The following PANK4 variants were observed in gnomAD, a reference collection of about 807,000 sequenced individuals.
PANK4 encodes pantothenate kinase 4 (inactive).
PANK4 carries 40 observed loss-of-function variants against 87.9 expected under a neutral mutation model. The observed-to-expected ratio is 0.46, with a 90% confidence interval of 0.35 to 0.59. PANK4 has a LOEUF of 0.59. PANK4 is among the 20% of genes least tolerant of loss of function. The pLI is 0.00. For synonymous variants in PANK4, 524 were observed against 467.4 expected (o/e 1.12, Z -1.56); for missense variants, 926 against 1,072.3 (o/e 0.86, Z 1.90).
chr1:2,515,950 A>C lies in PANK4; in HGVS notation c.1219-233T>G. On this transcript the variant is annotated intron_variant, in intron 9 of 18. Transcript: ENST00000378466. The surrounding 1 kb of genome is among the most constrained non-coding windows in gnomAD (Gnocchi z 5.0). Reference sequence around the variant, plus strand: ...CTGGGGTTGCGTCTGCTCCCACCACACGCCTCCTGCCCCCAGCACCTCCCC... The same window carrying C: ...CTGGGGTTGCGTCTGCTCCCACCACCCGCCTCCTGCCCCCAGCACCTCCCC... 2 of 571,698 alleles carry C rather than the reference A, an allele frequency of 3.5e-6. No individual in the cohort carries two copies. The highest frequency in any genetic ancestry group is 3.1e-6 in the Non-Finnish European group (1 of 320,114). The allele number at this position is 571,698 out of a possible 1,614,324, so 35.4% of individuals were successfully genotyped here.
In PANK4 at chr1:2,520,483, C is replaced by A; in HGVS notation, c.607-69G>T. On this transcript the variant is annotated intron_variant, in intron 4 of 18. Transcript: ENST00000378466. This position sits in a 1 kb window ranked among gnomAD's most constrained non-coding sequence, Gnocchi z 6.2. ...CCACACAGGCTCCCCCGCCCCCCGC[C>A]CCATGTGCTGCGCTGGGGTGAACCC... 1 of 1,213,030 alleles carries A rather than the reference C, an allele frequency of 8.2e-7. No homozygotes were observed. The allele number at this position is 1,213,030 out of a possible 1,614,324, so 75.1% of individuals were successfully genotyped here. A position where few individuals can be genotyped will look rare whatever the true frequency, so the allele number is the denominator to read the frequency against.
rs1053199048 is a variant in PANK4, at chr1:2,515,980, C to T, written c.1219-263G>A. 17 of 551,196 alleles carry T rather than the reference C, an allele frequency of 3.1e-5. No individual in the cohort carries two copies. The South Asian group carries it at 3.3e-4, about 11-fold the overall frequency. The allele number at this position is 551,196 out of a possible 1,614,324, so 34.1% of individuals were successfully genotyped here. On this transcript the variant is annotated intron_variant, in intron 9 of 18. Coordinates refer to ENST00000378466, the MANE Select transcript of PANK4 (RefSeq NM_018216.4). This position sits in a 1 kb window ranked among gnomAD's most constrained non-coding sequence, Gnocchi z 5.0. ...TCCTGCCCCCAGCACCTCCCCGCTG[C>T]AGCCACACCTCCCCAATCACCGCTG...
In PANK4 at chr1:2,519,741, C is replaced by T. The variant is rs531264575; in HGVS notation, c.853+60G>A. On this transcript the variant is annotated intron_variant, in intron 6 of 18. Coordinates refer to ENST00000378466, the MANE Select transcript of PANK4 (RefSeq NM_018216.4). The surrounding 1 kb of genome is among the most constrained non-coding windows in gnomAD (Gnocchi z 8.3). ...AGCAATGGTGGGGGAAGCTCCTGTCCGTGAGACCCCAAGTGTCCCCACCAT... is the reference window on the plus strand; with the variant it reads ...AGCAATGGTGGGGGAAGCTCCTGTCTGTGAGACCCCAAGTGTCCCCACCAT... 3.5e-5 allele frequency: 51 copies of T among 1,468,186 alleles called. No individual in the cohort carries two copies. Among genetic ancestry groups the T allele is most frequent in the Admixed American group, 1.1e-4 (5 of 44,930 alleles). 90.9% of individuals were successfully genotyped at this position (1,468,186 alleles called of 1,614,324 possible).
At position 2,509,788 on chromosome 1, in the gene PANK4, A is replaced by C. The variant is rs539128874; in HGVS notation, c.2108+74T>G. ...GTCCTGAGGTCGGTGTCCCGCATGC[A>C]CCTGGGTGCAGGTGCACGGCACAGA... On this transcript the variant is annotated intron_variant, in intron 18 of 18. Transcript: ENST00000378466. This position sits in a 1 kb window ranked among gnomAD's most constrained non-coding sequence, Gnocchi z 4.9. 274 of 1,356,202 alleles carry C rather than the reference A, an allele frequency of 2.0e-4. 1 individual carries two copies. The highest frequency in any genetic ancestry group is 1.6e-3 in the Admixed American group (89 of 56,094). The allele number at this position is 1,356,202 out of a possible 1,614,324, so 84.0% of individuals were successfully genotyped here. A position where few individuals can be genotyped will look rare whatever the true frequency, so the allele number is the denominator to read the frequency against.
chr1:2,520,989 G>C lies in PANK4; in HGVS notation c.423-83C>G, dbSNP rs1393332969. On this transcript the variant is annotated intron_variant, in intron 3 of 18. Coordinates refer to ENST00000378466, the MANE Select transcript of PANK4 (RefSeq NM_018216.4). This position sits in a 1 kb window ranked among gnomAD's most constrained non-coding sequence, Gnocchi z 6.2. Reference sequence around the variant, plus strand: ...CAAGCCTGCCTGGTCCGAAGGGGCAGCCATGCCCCATGCGCAATCTGACAC... The same window carrying C: ...CAAGCCTGCCTGGTCCGAAGGGGCACCCATGCCCCATGCGCAATCTGACAC... 5.5e-5 allele frequency: 84 copies of C among 1,517,024 alleles called. No homozygotes were observed. The highest frequency in any genetic ancestry group is 7.6e-5 in the Non-Finnish European group (84 of 1,107,014). The allele number at this position is 1,517,024 out of a possible 1,614,324, so 94.0% of individuals were successfully genotyped here. A position where few individuals can be genotyped will look rare whatever the true frequency, so the allele number is the denominator to read the frequency against.
At chr1:2,521,926 C>A (rs760458072) in intron 1 of PANK4, 126 bp from the exon 2 acceptor site, 9 of 726,894 alleles carry the variant, frequency 1.2e-5, no homozygotes, top group Middle Eastern at 2.4e-4. Flanking sequence ...TTTGGGGCTA[C>A]TGGAACTTAA....
In PANK4 at chr1:2,510,544, C is replaced by T. The variant is rs1643643991; in HGVS notation, c.1938+134G>A. 3.0e-6 allele frequency: 2 copies of T among 672,554 alleles called. No individual in the cohort carries two copies. Among genetic ancestry groups the T allele is most frequent in the East Asian group, 2.5e-5 (1 of 40,092 alleles). 41.7% of individuals were successfully genotyped at this position (672,554 alleles called of 1,614,324 possible). A position where few individuals can be genotyped will look rare whatever the true frequency, so the allele number is the denominator to read the frequency against. On this transcript the variant is annotated intron_variant, in intron 16 of 18. Transcript: ENST00000378466. The surrounding 1 kb of genome is among the most constrained non-coding windows in gnomAD (Gnocchi z 4.9). ...CAGATGACGGCTCTGGGCCGCCTCC[C>T]CCGTGCTGCTGCCTGCACCTACCTG... is the stretch of plus-strand genomic sequence containing the variant.
At position 2,510,080 on chromosome 1, in the gene PANK4, A is replaced by T; in HGVS notation, c.2016T>A (p.Ile672=). The change falls in exon 17 of 19, where the codon ATT becomes ATA. Residue 672 remains isoleucine (I), a synonymous_variant. Coordinates refer to ENST00000378466, the MANE Select transcript of PANK4 (RefSeq NM_018216.4). This position sits in a 1 kb window ranked among gnomAD's most constrained non-coding sequence, Gnocchi z 4.9. ...ACTGCACGACAGGGTCCATGCCCGC[A>T]ATACGCTCTGCCACGATGAGGGACT... ...HSESLIVAER[I]AGMDPVVHSA... 1 of 1,610,866 alleles carries T rather than the reference A, an allele frequency of 6.2e-7. No individual in the cohort carries two copies. Among genetic ancestry groups the T allele is most frequent in the Non-Finnish European group, 8.5e-7 (1 of 1,179,072 alleles).
Position 2,520,962 on chromosome 1 carries a change from T to C in PANK4, c.423-56A>G, listed in dbSNP as rs1570547859. On this transcript the variant is annotated intron_variant, in intron 3 of 18. Transcript: ENST00000378466. The surrounding 1 kb of genome is among the most constrained non-coding windows in gnomAD (Gnocchi z 6.2). ...TCTGGGCCACAGACAGGTGCAACCA[T>C]GCAAGCCTGCCTGGTCCGAAGGGGC... 2 of 1,524,226 alleles carry C rather than the reference T, an allele frequency of 1.3e-6. No individual in the cohort carries two copies. Among genetic ancestry groups the C allele is most frequent in the Non-Finnish European group, 1.8e-6 (2 of 1,126,240 alleles). The allele number at this position is 1,524,226 out of a possible 1,614,324, so 94.4% of individuals were successfully genotyped here.
intron 1 of PANK4, chr1:2,522,004 T>A (rs1643879673): frequency 5.1e-6 from 3 of 585,870 alleles, no homozygotes; most frequent in Non-Finnish European, 9.2e-6. Flanking sequence ...CTTTCTCAAA[T>A]TCTGCTCCTC....
At chr1:2,514,235 G>A in intron 11 of PANK4, 119 bp downstream of exon 11, 1 of 1,113,166 alleles carries the variant, frequency 9.0e-7, no homozygotes, top group Non-Finnish European at 1.4e-6. Context: ...GTGCCGCCAG[G>A]GCCCACACCC....
rs1643837322 is a variant in PANK4, at chr1:2,519,062, G to A, written c.1035+81C>T. ...CCCTCCAGGCCTCCCTGGGGGTGCT[G>A]CGGTGTCTAACCAGCATGACTGATT... On this transcript the variant is annotated intron_variant, in intron 7 of 18. Transcript: ENST00000378466. The surrounding 1 kb of genome is among the most constrained non-coding windows in gnomAD (Gnocchi z 8.3). 2 of 1,330,526 alleles carry A rather than the reference G, an allele frequency of 1.5e-6. No individual in the cohort carries two copies. The highest frequency in any genetic ancestry group is 1.5e-5 in the African/African-American group (1 of 68,874). 82.4% of individuals were successfully genotyped at this position (1,330,526 alleles called of 1,614,324 possible).
Position 2,510,036 on chromosome 1 carries a change from G to T in PANK4, c.2039+21C>A. The T allele has an allele frequency of 6.3e-7, 1 of 1,590,342 alleles. No homozygotes were observed. The highest frequency in any genetic ancestry group is 8.6e-7 in the Non-Finnish European group (1 of 1,163,950). ...GCCCCTCCCCATCAAGGCCCCCCCA[G>T]CACTGCCCGCCAACACTCACTGCAC... On this transcript the variant is annotated intron_variant, in intron 17 of 18. Transcript: ENST00000378466. This position sits in a 1 kb window ranked among gnomAD's most constrained non-coding sequence, Gnocchi z 4.9.
rs1028926228 is a variant in PANK4, at chr1:2,519,278, G to A, written c.900C>T (p.Ser300=). ...DMAKSLLHMI[S]NDIGQLACLH... is the part of the protein sequence containing the mutation. The stretch of plus-strand genomic sequence containing the variant: ...GGCAGGCCAGCTGCCCAATGTCGTT[G>A]CTGATCATGTGCAGCAGGCTCTTCG... The change falls in exon 7 of 19, where the codon AGC becomes AGT. Residue 300 remains serine, a synonymous_variant. Transcript: ENST00000378466. The surrounding 1 kb of genome is among the most constrained non-coding windows in gnomAD (Gnocchi z 8.3). 6.2e-6 allele frequency: 10 copies of A among 1,612,252 alleles called. No homozygotes were observed. In the Middle Eastern group the frequency reaches 5.0e-4, roughly 80 times the overall value.
In PANK4 at chr1:2,509,955, C is replaced by A. The variant is rs763642760; in HGVS notation, c.2040-25G>T. The A allele has an allele frequency of 3.1e-6, 5 of 1,602,550 alleles. No homozygotes were observed. In the African/African-American group the frequency reaches 5.4e-5, roughly 17 times the overall value. On this transcript the variant is annotated intron_variant, in intron 17 of 18. Transcript: ENST00000378466. The surrounding 1 kb of genome is among the most constrained non-coding windows in gnomAD (Gnocchi z 4.9). The stretch of plus-strand genomic sequence containing the variant: ...GCTGCCAGATACAAGGTGGTCAGTG[C>A]CCCCAGGAGCTCCCAGTTCAGTGAC...
intron 1 of PANK4, chr1:2,526,117 T>G (rs768854570): frequency 6.6e-6 from 1 of 152,228 alleles, no homozygotes; most frequent in Non-Finnish European, 1.5e-5. Flanking sequence ...GCCGAAGACA[T>G]AAAATTCCGC....
At chr1:2,514,500 G>T (rs575050276) in intron 10 of PANK4, 34 bp from the exon 11 acceptor site, 1 of 1,504,138 alleles carries the variant, frequency 6.6e-7, no homozygotes, top group Non-Finnish European at 9.1e-7. Context: ...TTAGTCAAGC[G>T]CTGGCCCTGC....
At chr1:2,517,014 C>A (rs952773156) in intron 9 of PANK4, among the ~76,000 whole-genome samples, 1 of 152,232 alleles carries the variant, frequency 6.6e-6, no homozygotes, top group Non-Finnish European at 1.5e-5. Flanking sequence ...CTGAACGGGG[C>A]CCCCGAAGCA....
intron 11 of PANK4, 62 bp from the exon 12 acceptor site, chr1:2,514,151 TC>T (rs1278893122): frequency 3.4e-5 from 48 of 1,412,276 alleles, no homozygotes; most frequent in Non-Finnish European, 4.6e-5. Context: ...CCGTCTGCCA[TC>T]CTCGGCTGTG....
Sources: allele counts gnomAD v4.1 joint callset (sites outside exome capture counted in the v4.1 genomes callset), GRCh38; gene constraint gnomAD v4.1.1; non-coding constraint Gnocchi (gnomAD v3.1); transcripts MANE v1.5; gene names NCBI Gene and HGNC (gene_info 2026-07-23, HGNC 2026-07-21).